Variants in ATP2C2 observed in about 807,000 individuals in gnomAD.
ATP2C2 encodes calcium-transporting ATPase type 2C member 2.
A neutral mutation model predicts 110.8 loss-of-function variants in ATP2C2; 171 were observed. That is an observed-to-expected ratio of 1.54 (90% CI 1.36 to 1.75). The LOEUF is 1.75. ATP2C2 is among the 40% of genes most tolerant of loss of function. The pLI, the probability that ATP2C2 is intolerant of heterozygous loss-of-function variation, is 0.00. For synonymous variants in ATP2C2, 804 were observed against 508.4 expected, an observed-to-expected ratio of 1.58 and a Z score of -7.82; for missense variants, 1,963 against 1,235.0, an observed-to-expected ratio of 1.59 and a Z score of -8.84.
chr16:84,451,192 G>A (rs918530727), intron 17 of ATP2C2, among the ~76,000 whole-genome samples: 1 of 152,116 alleles, frequency 6.6e-6, no homozygotes, highest in Non-Finnish European at 1.5e-5. Flanking sequence ...AGCCTAAGGG[G>A]AAACCCCTCA....
chr16:84,454,713 T>A (rs943905160), intron 20 of ATP2C2, 105 bp from the exon 21 acceptor site: 1 of 1,208,588 alleles, frequency 8.3e-7, no homozygotes, highest in Admixed American at 3.4e-5. Context: ...GAATTCCGGG[T>A]GCCCTCCAGA....
At chr16:84,420,495 C>T (rs1237618020) in intron 7 of ATP2C2, among the ~76,000 whole-genome samples, 169 of 141,686 alleles carry the variant, frequency 1.2e-3, no homozygotes, top group African/African-American at 4.1e-3. Flanking sequence ...TTTTAAAGGA[C>T]TTCATTGTTT....
At chr16:84,429,835 C>A (rs1166109492) in intron 11 of ATP2C2, among the ~76,000 whole-genome samples, 1 of 152,112 alleles carries the variant, frequency 6.6e-6, no homozygotes. Flanking sequence ...GAAGCTTATT[C>A]TCACCATTCT....
At chr16:84,445,267 G>C (rs1024528658) in intron 15 of ATP2C2, among the ~76,000 whole-genome samples, 2 of 149,140 alleles carry the variant, frequency 1.3e-5, no homozygotes, top group Admixed American at 1.3e-4. Context: ...GGAGTGCACT[G>C]GCTTGATCTC....
At chr16:84,390,884 T>C (rs1452480358) in intron 1 of ATP2C2, among the ~76,000 whole-genome samples, 1 of 151,984 alleles carries the variant, frequency 6.6e-6, no homozygotes, top group Non-Finnish European at 1.5e-5. Context: ...GAGGCCGAGG[T>C]GGGCGGATCA....
intron 14 of ATP2C2, among the ~76,000 whole-genome samples, chr16:84,441,195 G>C (rs1357890787): frequency 6.6e-6 from 1 of 152,206 alleles, no homozygotes; most frequent in East Asian, 1.9e-4. Flanking sequence ...CACTTTGGGA[G>C]GCCAAGGCAG....
chr16:84,463,724 G>A lies in ATP2C2; in HGVS notation c.2833G>A (p.Asp945Asn). Reference protein sequence around the residue: ...SPKRVQMHPEDV With the variant: ...SPKRVQMHPENV Reference sequence around the variant, plus strand: ...CAAGAGAGTCCAGATGCACCCTGAAGATGTGTAGTGGACCGCACTCCGCGG... The same window carrying A: ...CAAGAGAGTCCAGATGCACCCTGAAAATGTGTAGTGGACCGCACTCCGCGG... Residue 945 changes from aspartate to asparagine, a missense_variant, in exon 27 of 27, where the codon GAT becomes AAT. Asp to Asn is a conservative substitution (Grantham distance 23). Coordinates refer to ENST00000262429, the MANE Select transcript of ATP2C2 (RefSeq NM_014861.4). 6.2e-7 allele frequency: 1 copy of A among 1,612,132 alleles called. No individual in the cohort carries two copies. Among genetic ancestry groups the A allele is most frequent in the Non-Finnish European group, 8.5e-7 (1 of 1,178,468 alleles).
Position 84,458,576 on chromosome 16 carries a change from C to T in ATP2C2, c.2148-544C>T, listed in dbSNP as rs369572856. ...TTCAAAATATTTTAGTAAAATCTGG[C>T]GGTGGGGGCACCCACGGTGCGTAAT... On this transcript the variant is annotated intron_variant, in intron 21 of 26. Coordinates refer to ENST00000262429, the MANE Select transcript of ATP2C2 (RefSeq NM_014861.4). Among the ~76,000 whole-genome samples, 16 of 152,054 alleles carry T rather than the reference C, an allele frequency of 1.1e-4. No individual in the cohort carries two copies. The East Asian group carries it at 1.2e-3, about 11-fold the overall frequency.
intron 1 of ATP2C2, among the ~76,000 whole-genome samples, chr16:84,384,950 G>A (rs1904300745): frequency 6.6e-6 from 1 of 152,232 alleles, no homozygotes; most frequent in Non-Finnish European, 1.5e-5. Flanking sequence ...CTAGGAGGCT[G>A]AGGCAGGAGT....
At position 84,459,305 on chromosome 16, in the gene ATP2C2, C is replaced by G; in HGVS notation, c.2252C>G (p.Thr751Ser). The G allele has an allele frequency of 6.2e-7, 1 of 1,614,220 alleles. No homozygotes were observed. The highest frequency in any genetic ancestry group is 8.5e-7 in the Non-Finnish European group (1 of 1,180,034). Residue 751 changes from threonine to serine, a missense_variant, in exon 23 of 27, where the codon ACC (threonine) becomes AGC (serine). Thr to Ser is a moderately conservative substitution (Grantham distance 58). Transcript: ENST00000262429. ...GCCCTGAGTCTCATCACTCTGTCCA[C>G]CGTGTTCAACCTGCCCAGCCCCCTC... ...ISALSLITLSTVFNLPSPLNA... is the reference protein window; with the variant it reads ...ISALSLITLSSVFNLPSPLNA...
rs372740954 is a variant in ATP2C2, at chr16:84,452,081, C to A, written c.1821C>A (p.Ala607=). The A allele has an allele frequency of 1.4e-5, 23 of 1,613,836 alleles. No individual in the cohort carries two copies. In the African/African-American group the frequency reaches 2.8e-4, roughly 20 times the overall value. ...TAACGGGGGATGCCCTGGAGACGGC[C>A]TTGGCCATAGGTAACTGGGACAGGG... The part of the protein sequence containing the change: ...KMITGDALET[A]LAIGRNIGLC... The change falls in exon 18 of 27, where the codon GCC becomes GCA. Residue 607 remains alanine, a synonymous_variant. Coordinates refer to ENST00000262429, the MANE Select transcript of ATP2C2 (RefSeq NM_014861.4).
chr16:84,460,344 C>A (rs1183464263), intron 23 of ATP2C2: 2 of 373,404 alleles, frequency 5.4e-6, no homozygotes, highest in Non-Finnish European at 9.8e-6. Context: ...CCAGGCGCAA[C>A]GTTGGGGGGG....
chr16:84,452,361 C>A (rs535207825), intron 18 of ATP2C2, among the ~76,000 whole-genome samples: 1 of 152,326 alleles, frequency 6.6e-6, no homozygotes, highest in South Asian at 2.1e-4. Context: ...CCGCTGTCTT[C>A]ACAGGCAGCA....
At chr16:84,408,248 C>T (rs572299213) in intron 3 of ATP2C2, among the ~76,000 whole-genome samples, 157 bp from the exon 4 acceptor site, 2 of 152,286 alleles carry the variant, frequency 1.3e-5, no homozygotes, top group South Asian at 4.1e-4. Flanking sequence ...AGGACCACTG[C>T]ATGGGGGTGG....
In ATP2C2 at chr16:84,442,546, A is replaced by T. The variant is rs1909363350; in HGVS notation, c.1348A>T (p.Asn450Tyr). 2 of 1,613,844 alleles carry T rather than the reference A, an allele frequency of 1.2e-6. No individual in the cohort carries two copies. Among genetic ancestry groups the T allele is most frequent in the Admixed American group, 3.3e-5 (2 of 59,982 alleles). Residue 450 changes from asparagine to tyrosine, a missense_variant, in exon 15 of 27, where the codon AAC becomes TAC. By Grantham distance (143) the Asn-to-Tyr change is moderately radical (BLOSUM62 -2). Coordinates refer to ENST00000262429, the MANE Select transcript of ATP2C2 (RefSeq NM_014861.4). ...TGCCAACAATGCGGTCATCAGAAAGAACGCCGTGATGGGGCAGCCCACCGA... is the reference window on the plus strand; with the variant it reads ...TGCCAACAATGCGGTCATCAGAAAGTACGCCGTGATGGGGCAGCCCACCGA... Reference protein sequence around the residue: ...CVANNAVIRKNAVMGQPTEGA... With the variant: ...CVANNAVIRKYAVMGQPTEGA...
intron 1 of ATP2C2, among the ~76,000 whole-genome samples, chr16:84,397,338 C>T (rs548471933): frequency 6.6e-5 from 10 of 151,458 alleles, no homozygotes; most frequent in Non-Finnish European, 1.5e-4. Flanking sequence ...TACCACCTAT[C>T]ATCAGTAGGA....
chr16:84,460,217 C>A (rs1010810975), intron 23 of ATP2C2: 16 of 221,602 alleles, frequency 7.2e-5, no homozygotes, highest in Non-Finnish European at 1.4e-4. Context: ...CCGGCCACTC[C>A]CACCATACCG....
intron 7 of ATP2C2, among the ~76,000 whole-genome samples, chr16:84,416,159 G>T (rs1906816724): frequency 6.6e-6 from 1 of 152,206 alleles, no homozygotes; most frequent in Non-Finnish European, 1.5e-5. Context: ...GGGCAACAGA[G>T]CGAGAAGCAC....
intron 1 of ATP2C2, among the ~76,000 whole-genome samples, chr16:84,388,185 C>A (rs1904428841): frequency 6.6e-6 from 1 of 152,030 alleles, no homozygotes; most frequent in Admixed American, 6.6e-5. Context: ...ATTAGCTGGG[C>A]ATGGTGGCAG....
Sources: gnomAD v4.1 joint callset for allele counts (sites outside exome capture counted in the v4.1 genomes callset) on GRCh38, gnomAD v4.1.1 for gene constraint, MANE v1.5 for transcripts, NCBI Gene and HGNC (gene_info 2026-07-23, HGNC 2026-07-21) for gene names.